The following PHACTR1 variants were observed in gnomAD, a reference collection of about 807,000 sequenced individuals.
PHACTR1 encodes the protein RPEL repeat containing 1.
Under a neutral mutation model 69.2 loss-of-function variants are expected in PHACTR1, and 16 were observed. That is an observed-to-expected ratio of 0.23 (90% CI 0.16 to 0.35). The LOEUF is 0.35. Ranked by LOEUF, PHACTR1 falls within the 10% of genes least tolerant of loss-of-function variation. The probability of loss-of-function intolerance (pLI) is 1.00; values close to 1 mark genes in which losing one functional copy is unlikely to be tolerated. For missense variants in PHACTR1, 510 were observed against 734.7 expected, an observed-to-expected ratio of 0.69 and a Z score of 3.54; for synonymous variants, 312 against 284.5, an observed-to-expected ratio of 1.10 and a Z score of -0.97.
chr6:12,977,369 C>G (rs926633187), intron 4 of PHACTR1, among the ~76,000 whole-genome samples: 2 of 91,668 alleles, frequency 2.2e-5, no homozygotes, highest in Non-Finnish European at 4.3e-5. Flanking sequence ...TTCTACTTCT[C>G]TCTCTCTCTT....
chr6:12,882,181 C>T (rs774471105), intron 4 of PHACTR1, among the ~76,000 whole-genome samples: 2 of 151,842 alleles, frequency 1.3e-5, no homozygotes, highest in African/African-American at 2.4e-5. Flanking sequence ...TAGGAGTCTT[C>T]GCATGGGAAA....
intron 4 of PHACTR1, among the ~76,000 whole-genome samples, chr6:12,953,104 C>T (rs1206718919): frequency 2.0e-5 from 3 of 152,262 alleles, no homozygotes; most frequent in East Asian, 3.9e-4. Flanking sequence ...ATGTGGATCA[C>T]CTGAGGTCAG....
chr6:12,841,813 T>G (rs1214335532), intron 4 of PHACTR1, among the ~76,000 whole-genome samples: 1 of 152,228 alleles, frequency 6.6e-6, no homozygotes, highest in East Asian at 1.9e-4. Flanking sequence ...CTGGTTTATC[T>G]GCAGTATCTG....
chr6:13,262,288 G>T (rs1466993991), intron 10 of PHACTR1, among the ~76,000 whole-genome samples: 1 of 152,142 alleles, frequency 6.6e-6, no homozygotes, highest in African/African-American at 2.4e-5. Flanking sequence ...CTCCATACAA[G>T]ACCACTTGGA....
intron 4 of PHACTR1, among the ~76,000 whole-genome samples, chr6:12,875,380 G>C (rs1333141559): frequency 6.6e-6 from 1 of 152,158 alleles, no homozygotes; most frequent in Admixed American, 6.5e-5. Context: ...TCGTCACCTC[G>C]ATATTTGCGT....
intron 8 of PHACTR1, among the ~76,000 whole-genome samples, chr6:13,218,657 A>C (rs917171251): frequency 2.0e-5 from 3 of 151,000 alleles, no homozygotes; most frequent in Non-Finnish European, 4.4e-5. Context: ...CCATCTCTAC[A>C]AAAAAAATCA....
intron 5 of PHACTR1, among the ~76,000 whole-genome samples, chr6:13,062,743 C>A (rs1037924783): frequency 4.6e-5 from 7 of 152,156 alleles, no homozygotes; most frequent in African/African-American, 1.7e-4. Flanking sequence ...GAGAAATAAA[C>A]CCTTAGTTAC....
At chr6:12,836,525 G>A (rs1298151195) in intron 4 of PHACTR1, among the ~76,000 whole-genome samples, 2 of 152,092 alleles carry the variant, frequency 1.3e-5, no homozygotes, top group Non-Finnish European at 2.9e-5. Context: ...TTAGAGAACT[G>A]GAAAGTGAAA....
chr6:13,142,554 A>AT (rs1362608332), intron 5 of PHACTR1, among the ~76,000 whole-genome samples: 1 of 152,146 alleles, frequency 6.6e-6, no homozygotes, highest in Non-Finnish European at 1.5e-5. Context: ...TAGGTCTGTG[A>AT]TTCATTTTCA....
chr6:12,784,694 ATATG>A lies in PHACTR1; in HGVS notation c.250+34908_250+34911del, dbSNP rs556656660. ...TACATACACATCCACACGTGTATAT[ATATG>A]TATTTATAAATATTTTATTTTTATT... On this transcript the variant is annotated intron_variant, in intron 4 of 14. Coordinates refer to ENST00000332995, the MANE Select transcript of PHACTR1 (RefSeq NM_030948.6). Among the ~76,000 whole-genome samples the A allele has an allele frequency of 9.1e-3, 1,386 of 151,958 alleles. 16 individuals carry two copies. Among genetic ancestry groups the A allele is most frequent in the African/African-American group, 0.028 (1,174 of 41,456 alleles).
chr6:13,126,172 TGA>T (rs1019292389), intron 5 of PHACTR1, among the ~76,000 whole-genome samples: 5 of 152,176 alleles, frequency 3.3e-5, no homozygotes, highest in Admixed American at 2.0e-4. Context: ...TGGCTGTGTG[TGA>T]GTGTGTGTAA....
chr6:12,965,391 C>T (rs34541307), intron 4 of PHACTR1, among the ~76,000 whole-genome samples: 25,922 of 150,890 alleles, frequency 0.17, 2,819 homozygotes, highest in South Asian at 0.27. Context: ...AAGTGAGGCT[C>T]TGCCTCCCTG....
chr6:12,867,397 A>ATT (rs1781567727), intron 4 of PHACTR1, among the ~76,000 whole-genome samples: 4 of 152,222 alleles, frequency 2.6e-5, no homozygotes, highest in Admixed American at 2.0e-4. Flanking sequence ...CATAATGTAC[A>ATT]AGTTATTCCT....
chr6:12,743,673 C>G lies in PHACTR1; in HGVS notation c.104-5971C>G, dbSNP rs147558336. Among the ~76,000 whole-genome samples the G allele has an allele frequency of 4.7e-3, 723 of 152,226 alleles. 8 individuals carry two copies. The highest frequency in any genetic ancestry group is 0.017 in the African/African-American group (688 of 41,530). On this transcript the variant is annotated intron_variant, in intron 3 of 14. Coordinates refer to ENST00000332995, the MANE Select transcript of PHACTR1 (RefSeq NM_030948.6). ...ATTCATAAAGCAAGTCCTTAGAGAC[C>G]TACAGAGACTTAGACTACCACACAA...
At chr6:12,833,680 T>A (rs537232444) in intron 4 of PHACTR1, among the ~76,000 whole-genome samples, 1 of 152,326 alleles carries the variant, frequency 6.6e-6, no homozygotes, top group South Asian at 2.1e-4. Flanking sequence ...CTGCTTCCGC[T>A]CTTACATATA....
At chr6:12,724,266 G>A (rs866112215) in intron 3 of PHACTR1, among the ~76,000 whole-genome samples, 2 of 152,302 alleles carry the variant, frequency 1.3e-5, no homozygotes, top group Middle Eastern at 3.4e-3. Context: ...GGCAGAGGTT[G>A]CAGTGAACCG....
At position 13,130,757 on chromosome 6, in the gene PHACTR1, A is replaced by T. The variant is rs193212096; in HGVS notation, c.416-29447A>T. Among the ~76,000 whole-genome samples, 509 of 152,314 alleles carry T rather than the reference A, an allele frequency of 3.3e-3. 2 individuals carry two copies. Among genetic ancestry groups the T allele is most frequent in the African/African-American group, 0.012 (486 of 41,584 alleles). On this transcript the variant is annotated intron_variant, in intron 5 of 14. Coordinates refer to ENST00000332995, the MANE Select transcript of PHACTR1 (RefSeq NM_030948.6). ...AGGAGAATTGGTACCAATCTTACTGAAACTATTCCAAAAGATAGAGAAAGA... is the reference window on the plus strand; with the variant it reads ...AGGAGAATTGGTACCAATCTTACTGTAACTATTCCAAAAGATAGAGAAAGA...
chr6:13,280,954 C>T (rs376847244), intron 12 of PHACTR1: 10 of 1,288,800 alleles, frequency 7.8e-6, no homozygotes, highest in East Asian at 5.6e-5. Context: ...TCCTGGTGGC[C>T]GTTTGTTAGT....
chr6:13,261,230 G>A (rs953503560), intron 10 of PHACTR1, among the ~76,000 whole-genome samples: 1 of 152,184 alleles, frequency 6.6e-6, no homozygotes, highest in Non-Finnish European at 1.5e-5. Context: ...GTGAGCTGGA[G>A]GAAGAGGCTG....
Sources: allele counts gnomAD v4.1 joint callset (sites outside exome capture counted in the v4.1 genomes callset), GRCh38; gene constraint gnomAD v4.1.1; transcripts MANE v1.5; gene names NCBI Gene and HGNC (gene_info 2026-07-23, HGNC 2026-07-21).